Variants in NTN4 observed in about 807,000 individuals in gnomAD.
NTN4 encodes netrin-4.
NTN4 carries 32 observed loss-of-function variants against 73.6 expected under a neutral mutation model. That is an observed-to-expected ratio of 0.44 (90% CI 0.33 to 0.58). The LOEUF (loss-of-function observed/expected upper bound fraction) is 0.58. Among genes scored for constraint, NTN4 ranks in the 20% least tolerant of loss-of-function variants. NTN4 has a pLI of 0.04. For missense variants in NTN4, 654 were observed against 798.3 expected, an observed-to-expected ratio of 0.82 and a Z score of 2.18; for synonymous variants, 258 against 287.5, an observed-to-expected ratio of 0.90 and a Z score of 1.04.
chr12:95,764,668 G>A (rs1002301759), intron 2 of NTN4, among the ~76,000 whole-genome samples: 4 of 111,950 alleles, frequency 3.6e-5, no homozygotes, highest in African/African-American at 1.4e-4. Context: ...CCATCCCCCC[G>A]CCCCGACCAA....
In NTN4 at chr12:95,670,138, C is replaced by A; in HGVS notation, c.1519G>T (p.Glu507Ter). Residue 507 changes from glutamate (E) to a stop codon, truncating the protein, a stop_gained, in exon 8 of 10, where the codon GAA (glutamate) becomes TAA (stop). Transcript: ENST00000343702. LOFTEE classifies it high-confidence loss of function. ...TTTCCTAATGTCTGTTCCTTACATT[C>A]GCATTTACCTATGGAAAGTAAATTA... ...FSALLHSGKC[E>*]CKEQTLGNAK... 6.3e-7 allele frequency: 1 copy of A among 1,582,160 alleles called. No individual in the cohort carries two copies. Among genetic ancestry groups the A allele is most frequent in the South Asian group, 1.2e-5 (1 of 85,628 alleles).
intron 2 of NTN4, among the ~76,000 whole-genome samples, chr12:95,780,293 G>A (rs2079122925): frequency 1.3e-5 from 2 of 152,154 alleles, no homozygotes; most frequent in South Asian, 4.1e-4. Context: ...AGCCAAAATT[G>A]ACAAATGGCA....
chr12:95,761,612 C>T lies in NTN4; in HGVS notation c.586-23468G>A, dbSNP rs149104841. ...CCTCCCAAAGTGCTGGAATTACAGG[C>T]GTGAGCCACCGTGCCCAGCCCAAAA... is the stretch of plus-strand genomic sequence containing the variant. On this transcript the variant is annotated intron_variant, in intron 2 of 9. Transcript: ENST00000343702. 7.7e-3 allele frequency among the ~76,000 whole-genome samples: 1,168 copies of T among 152,208 alleles called. 16 individuals are homozygous for T. Among genetic ancestry groups the T allele is most frequent in the African/African-American group, 0.027 (1,104 of 41,530 alleles).
chr12:95,697,577 A>T (rs17286390), intron 5 of NTN4, among the ~76,000 whole-genome samples: 26,615 of 151,584 alleles, frequency 0.18, 2,623 homozygotes, highest in Non-Finnish European at 0.23. Context: ...AGATTCAAAT[A>T]CTACATGGCT....
At chr12:95,741,459 AT>A (rs2078825349) in intron 2 of NTN4, among the ~76,000 whole-genome samples, 2 of 122,832 alleles carry the variant, frequency 1.6e-5, no homozygotes. Flanking sequence ...ATATATATAT[AT>A]ATATATATAT....
At chr12:95,702,227 C>T (rs1054758363) in intron 5 of NTN4, among the ~76,000 whole-genome samples, 1 of 150,550 alleles carries the variant, frequency 6.6e-6, no homozygotes, top group African/African-American at 2.4e-5. Context: ...TTGTAGTGAG[C>T]CAAGATTGCG....
intron 2 of NTN4, among the ~76,000 whole-genome samples, chr12:95,782,511 T>C (rs2079140592): frequency 1.3e-5 from 2 of 152,206 alleles, no homozygotes; most frequent in Admixed American, 1.3e-4. Flanking sequence ...TTGGCCAGGC[T>C]GGTCTTGAAC....
At chr12:95,743,130 C>A (rs763541660) in intron 2 of NTN4, among the ~76,000 whole-genome samples, 2 of 152,150 alleles carry the variant, frequency 1.3e-5, no homozygotes, top group Non-Finnish European at 2.9e-5. Context: ...CAAATCTTTT[C>A]CATAGTTTCT....
chr12:95,669,651 T>C (rs145016217), intron 8 of NTN4, among the ~76,000 whole-genome samples: 1 of 152,356 alleles, frequency 6.6e-6, no homozygotes, highest in African/African-American at 2.4e-5. Flanking sequence ...CCAAAGCCTG[T>C]GCTCTCAACT....
intron 2 of NTN4, among the ~76,000 whole-genome samples, chr12:95,755,540 C>T (rs1272457134): frequency 6.6e-6 from 1 of 152,180 alleles, no homozygotes; most frequent in Non-Finnish European, 1.5e-5. Context: ...TTTTGGGCAG[C>T]ACCAAAATCC....
At chr12:95,761,394 G>A (rs145317543) in intron 2 of NTN4, among the ~76,000 whole-genome samples, 189 of 147,742 alleles carry the variant, frequency 1.3e-3, no homozygotes, top group African/African-American at 4.5e-3. Context: ...GCAGTGGTGC[G>A]ATCTCGGCTC....
rs188672830 is a variant in NTN4, at chr12:95,672,722, G to A, written c.1511-2576C>T. 22 of 1,417,368 alleles carry A rather than the reference G, an allele frequency of 1.6e-5. No individual in the cohort carries two copies. The Admixed American group carries it at 2.4e-4, about 15-fold the overall frequency. The allele number at this position is 1,417,368 out of a possible 1,614,324, so 87.8% of individuals were successfully genotyped here. On this transcript the variant is annotated intron_variant, in intron 7 of 9. Coordinates refer to ENST00000343702, the MANE Select transcript of NTN4 (RefSeq NM_021229.4). ...TTCTACAGCAACATCAGTAAGGATCGTAGGTATGCAGACCTCACAGATGAT... is the reference window on the plus strand; with the variant it reads ...TTCTACAGCAACATCAGTAAGGATCATAGGTATGCAGACCTCACAGATGAT...
chr12:95,669,374 G>C (rs1592652604), intron 8 of NTN4, among the ~76,000 whole-genome samples: 1 of 152,224 alleles, frequency 6.6e-6, no homozygotes, highest in South Asian at 2.1e-4. Context: ...TTATTTGAAA[G>C]ATAGGGGTAT....
At chr12:95,696,857 T>C (rs1430557764) in intron 5 of NTN4, among the ~76,000 whole-genome samples, 1 of 152,196 alleles carries the variant, frequency 6.6e-6, no homozygotes, top group East Asian at 1.9e-4. Context: ...TCAGTCCAGC[T>C]TTATTATTTA....
At chr12:95,770,962 A>C (rs1203199638) in intron 2 of NTN4, among the ~76,000 whole-genome samples, 1 of 151,410 alleles carries the variant, frequency 6.6e-6, no homozygotes, top group Non-Finnish European at 1.5e-5. Flanking sequence ...TTTGCTCATT[A>C]GCAAGATGAA....
chr12:95,703,567 C>CT (rs1329915001), intron 5 of NTN4, among the ~76,000 whole-genome samples: 5 of 152,168 alleles, frequency 3.3e-5, no homozygotes, highest in African/African-American at 1.2e-4. Context: ...ATATTAGGCT[C>CT]TGAGACATAC....
In NTN4 at chr12:95,790,243, G is replaced by A; in HGVS notation, c.55+12C>T. The A allele has an allele frequency of 1.3e-6, 2 of 1,531,512 alleles. No individual in the cohort carries two copies. Among genetic ancestry groups the A allele is most frequent in the Non-Finnish European group, 1.8e-6 (2 of 1,138,886 alleles). 94.9% of individuals were successfully genotyped at this position (1,531,512 alleles called of 1,614,324 possible). On this transcript the variant is annotated intron_variant, in intron 1 of 9. Transcript: ENST00000343702. The surrounding 1 kb of genome is among the most constrained non-coding windows in gnomAD (Gnocchi z 6.5). ...AGGGAAGGGGTGGGGGCCCCGCCGCGTCACCACCCACCTGCGGCCACCACC... is the reference window on the plus strand; with the variant it reads ...AGGGAAGGGGTGGGGGCCCCGCCGCATCACCACCCACCTGCGGCCACCACC...
chr12:95,680,138 CTTTA>C (rs960346733), intron 7 of NTN4, among the ~76,000 whole-genome samples: 16 of 152,158 alleles, frequency 1.1e-4, no homozygotes, highest in East Asian at 3.9e-4. Context: ...ATACTAAATA[CTTTA>C]TTTGTTTATT....
At chr12:95,701,972 A>G (rs2121056668) in intron 5 of NTN4, among the ~76,000 whole-genome samples, 1 of 152,262 alleles carries the variant, frequency 6.6e-6, no homozygotes, top group African/African-American at 2.4e-5. Context: ...ATTAAAAATG[A>G]CTGAGATTAG....
Sources: gnomAD v4.1 joint callset for allele counts (sites outside exome capture counted in the v4.1 genomes callset) on GRCh38, gnomAD v4.1.1 for gene constraint, Gnocchi (gnomAD v3.1) non-coding constraint, MANE v1.5 for transcripts, NCBI Gene and HGNC (gene_info 2026-07-23, HGNC 2026-07-21) for gene names.